Variants in SOX8 observed in about 807,000 individuals in gnomAD.
SOX8 encodes SRY-box transcription factor 8.
A neutral mutation model predicts 22.9 loss-of-function variants in SOX8; 9 were observed. The ratio of observed to expected loss-of-function variants is 0.39; its 90% confidence interval spans 0.24 to 0.69. The LOEUF (loss-of-function observed/expected upper bound fraction) is 0.69. Ranked by LOEUF, SOX8 falls within the 30% of genes least tolerant of loss-of-function variation. The pLI, the probability that SOX8 is intolerant of heterozygous loss-of-function variation, is 0.43. For missense variants in SOX8, 734 were observed against 699.4 expected (o/e 1.05, Z -0.56); for synonymous variants, 416 against 330.6 (o/e 1.26, Z -2.80).
At position 984,936 on chromosome 16, in the gene SOX8, C is replaced by T. The variant is rs112373912; in HGVS notation, c.891C>T (p.Pro297=). ...QYLPLGGPAP[P]EPGQAYGGAY... is the part of the protein sequence containing the mutation. ...TGCCCCTGGGCGGCCCCGCCCCACC[C>T]GAGCCGGGCCAGGCCTATGGGGGCG... Residue 297 remains proline (P), a synonymous_variant, in exon 3 of 3, where the codon CCC becomes CCT. Coordinates refer to ENST00000293894, the MANE Select transcript of SOX8 (RefSeq NM_014587.5). 572 of 1,602,088 alleles carry T rather than the reference C, an allele frequency of 3.6e-4. No homozygotes were observed. Among genetic ancestry groups the T allele is most frequent in the Middle Eastern group, 1.2e-3 (7 of 6,012 alleles).
intron 2 of SOX8, 56 bp downstream of exon 2, chr16:984,016 G>C (rs2073432500): frequency 7.2e-7 from 1 of 1,395,966 alleles, no homozygotes; most frequent in Admixed American, 2.7e-5. Flanking sequence ...GCAGCTGTGG[G>C]GTTTCTGGCT....
chr16:985,204 C>G lies in SOX8; in HGVS notation c.1159C>G (p.Gln387Glu), dbSNP rs1227302999. 2.5e-6 allele frequency: 4 copies of G among 1,611,878 alleles called. No individual in the cohort carries two copies. The East Asian group carries it at 8.9e-5, about 36-fold the overall frequency. Residue 387 changes from glutamine to glutamate, a missense_variant, in exon 3 of 3, where the codon CAG becomes GAG. Physicochemically the swap from Gln to Glu is conservative, Grantham distance 29. Transcript: ENST00000293894. ...AGSQGDYGDL[Q>E]ASSYYGAYPG... is the part of the protein sequence containing the mutation. ...CTCACAGGGCGACTATGGCGACCTG[C>G]AGGCCTCCAGCTACTATGGTGCCTA...
intron 1 of SOX8, 72 bp downstream of exon 1, chr16:982,416 C>G (rs1182198813): frequency 7.9e-7 from 1 of 1,271,154 alleles, no homozygotes; most frequent in African/African-American, 1.6e-5. Context: ...GAGCGGGGGC[C>G]TGGAGGGCGC....
At position 983,993 on chromosome 16, in the gene SOX8, C is replaced by T. The variant is rs201893674; in HGVS notation, c.655+33C>T. On this transcript the variant is annotated intron_variant, in intron 2 of 2. Transcript: ENST00000293894. ...CCAGGCCCCCCGCATATCTGAGGGT[C>T]CCTGTATGGGAGGCAGCTGTGGGGT... 323 of 1,456,776 alleles carry T rather than the reference C, an allele frequency of 2.2e-4. No individual in the cohort carries two copies. In the African/African-American group the frequency reaches 4.2e-3, roughly 19 times the overall value. 90.2% of individuals were successfully genotyped at this position (1,456,776 alleles called of 1,614,324 possible).
Position 985,690 on chromosome 16 carries a change from C to G in SOX8, c.*304C>G, listed in dbSNP as rs897075795. Reference sequence around the variant, plus strand: ...CGGCACCAGCACCTTCGCTTTGCATCTCGGTAGAGGAGAAACGGCAGCACA... The same window carrying G: ...CGGCACCAGCACCTTCGCTTTGCATGTCGGTAGAGGAGAAACGGCAGCACA... On this transcript the variant is annotated 3_prime_UTR_variant, in exon 3 of 3. Coordinates refer to ENST00000293894, the MANE Select transcript of SOX8 (RefSeq NM_014587.5). 40 of 376,870 alleles carry G rather than the reference C, an allele frequency of 1.1e-4. No homozygotes were observed. Among genetic ancestry groups the G allele is most frequent in the African/African-American group, 7.6e-4 (36 of 47,272 alleles). 23.3% of individuals were successfully genotyped at this position (376,870 alleles called of 1,614,324 possible).
chr16:983,730 T>G lies in SOX8; in HGVS notation c.425T>G (p.Leu142Trp). 3 of 1,611,852 alleles carry G rather than the reference T, an allele frequency of 1.9e-6. No individual in the cohort carries two copies. Among genetic ancestry groups the G allele is most frequent in the Non-Finnish European group, 2.5e-6 (3 of 1,179,352 alleles). The change falls in exon 2 of 3, where the codon TTG (leucine) becomes TGG (tryptophan). Residue 142 changes from leucine to tryptophan, a missense_variant and splice_region_variant. This residue lies in a region of SOX8 where 588 missense variants were observed against 568.2 expected (regional missense o/e 1.03). Transcript: ENST00000293894. ...CCTGCCTCTGCCCTGTGCTGCAGCT[T>G]GCTGAGCGAGAGCGAGAAGCGGCCC... ...LSKTLGKLWRLLSESEKRPFV... is the reference protein window; with the variant it reads ...LSKTLGKLWRWLSESEKRPFV...
intron 1 of SOX8, chr16:983,490 G>A: frequency 2.4e-6 from 1 of 414,286 alleles, no homozygotes; most frequent in Non-Finnish European, 4.3e-6. Flanking sequence ...GGAGGCGTGG[G>A]GCTTGTTCTT....
At position 982,264 on chromosome 16, in the gene SOX8, G is replaced by A. The variant is rs769303806; in HGVS notation, c.342G>A (p.Gln114=). The change falls in exon 1 of 3, where the codon CAG becomes CAA. Residue 114 remains glutamine (Q), a synonymous_variant. Transcript: ENST00000293894. ...TGAACGCATTCATGGTGTGGGCGCA[G>A]GCGGCGCGCCGCAAGCTGGCCGACC... ...RPMNAFMVWA[Q]AARRKLADQY... 2.0e-6 allele frequency: 3 copies of A among 1,529,138 alleles called. No homozygotes were observed. In the South Asian group the frequency reaches 3.7e-5, roughly 19 times the overall value. The allele number at this position is 1,529,138 out of a possible 1,614,324, so 94.7% of individuals were successfully genotyped here. A position where few individuals can be genotyped will look rare whatever the true frequency, so the allele number is the denominator to read the frequency against.
chr16:982,130 G>C lies in SOX8; in HGVS notation c.208G>C (p.Asp70His). 1 of 1,425,188 alleles carries C rather than the reference G, an allele frequency of 7.0e-7. No individual in the cohort carries two copies. Among genetic ancestry groups the C allele is most frequent in the Non-Finnish European group, 9.2e-7 (1 of 1,090,302 alleles). The allele number at this position is 1,425,188 out of a possible 1,614,324, so 88.3% of individuals were successfully genotyped here. The stretch of plus-strand genomic sequence containing the variant: ...CGAGCGCTTCCCGGCCTGCATCCGC[G>C]ACGCCGTGTCGCAGGTGCTCAAGGG... ...ADERFPACIR[D>H]AVSQVLKGYD... Residue 70 changes from aspartate to histidine, a missense_variant, in exon 1 of 3, where the codon GAC (aspartate) becomes CAC (histidine). Coordinates refer to ENST00000293894, the MANE Select transcript of SOX8 (RefSeq NM_014587.5).
At position 984,696 on chromosome 16, in the gene SOX8, C is replaced by T; in HGVS notation, c.656-5C>T. 1.3e-6 allele frequency: 2 copies of T among 1,512,806 alleles called. No homozygotes were observed. The highest frequency in any genetic ancestry group is 1.8e-6 in the Non-Finnish European group (2 of 1,134,028). The allele number at this position is 1,512,806 out of a possible 1,614,324, so 93.7% of individuals were successfully genotyped here. ...CATCCCTGAAGCCTGCTCTCCTGTC[C>T]CCAGGGCAGACCCACGGGCCGCCCA... On this transcript the variant is annotated splice_region_variant and splice_polypyrimidine_tract_variant and intron_variant, in intron 2 of 2. Coordinates refer to ENST00000293894, the MANE Select transcript of SOX8 (RefSeq NM_014587.5).
Position 982,129 on chromosome 16 carries a change from C to T in SOX8, c.207C>T (p.Arg69=), listed in dbSNP as rs1389963359. The change falls in exon 1 of 3, where the codon CGC becomes CGT. Residue 69 remains arginine, a synonymous_variant. Coordinates refer to ENST00000293894, the MANE Select transcript of SOX8 (RefSeq NM_014587.5). ...ACGAGCGCTTCCCGGCCTGCATCCG[C>T]GACGCCGTGTCGCAGGTGCTCAAGG... ...AADERFPACI[R]DAVSQVLKGY... The T allele has an allele frequency of 9.8e-6, 14 of 1,424,958 alleles. No individual in the cohort carries two copies. Among genetic ancestry groups the T allele is most frequent in the Non-Finnish European group, 1.0e-5 (11 of 1,090,270 alleles). The allele number at this position is 1,424,958 out of a possible 1,614,324, so 88.3% of individuals were successfully genotyped here.
intron 2 of SOX8, 88 bp from the exon 3 acceptor site, chr16:984,613 G>A (rs980753866): frequency 2.1e-4 from 163 of 777,992 alleles, no homozygotes; most frequent in Non-Finnish European, 2.0e-4. Context: ...GGCAGTTAGC[G>A]CGGGCGTCCC....
intron 1 of SOX8, 69 bp from the exon 2 acceptor site, chr16:983,659 T>A (rs1017737407): frequency 1.7e-5 from 24 of 1,441,122 alleles, no homozygotes; most frequent in Non-Finnish European, 2.2e-5. Context: ...CGGTTCCCCC[T>A]GTGGTGTGTG....
At position 983,592 on chromosome 16, in the gene SOX8, G is replaced by C. The variant is rs942213041; in HGVS notation, c.423-136G>C. 2.4e-5 allele frequency: 17 copies of C among 715,292 alleles called. No homozygotes were observed. The Admixed American group carries it at 4.7e-4, about 20-fold the overall frequency. 44.3% of individuals were successfully genotyped at this position (715,292 alleles called of 1,614,324 possible). ...CTGCCTGGTGCCACGGGAGGCTCCG[G>C]AGCGCACGGCAGGCGGGTTTCCCTG... is the stretch of plus-strand genomic sequence containing the variant. On this transcript the variant is annotated intron_variant, in intron 1 of 2. Coordinates refer to ENST00000293894, the MANE Select transcript of SOX8 (RefSeq NM_014587.5).
chr16:982,049 G>C lies in SOX8; in HGVS notation c.127G>C (p.Gly43Arg), dbSNP rs760448716. The C allele has an allele frequency of 2.3e-6, 3 of 1,304,266 alleles. No individual in the cohort carries two copies. The highest frequency in any genetic ancestry group is 4.1e-5 in the Admixed American group (1 of 24,356). The allele number at this position is 1,304,266 out of a possible 1,614,324, so 80.8% of individuals were successfully genotyped here. ...PPSPAGSEGL[G>R]RAGVAVGGAR... ...GTCTCCCGCCGGCTCCGAGGGCCTG[G>C]GCCGCGCGGGGGTCGCGGTGGGGGG... is the stretch of plus-strand genomic sequence containing the variant. The change falls in exon 1 of 3, where the codon GGC (glycine) becomes CGC (arginine). Residue 43 changes from glycine to arginine, a missense_variant. Gly to Arg is a moderately radical substitution (Grantham distance 125). Transcript: ENST00000293894.
rs530923010 is a variant in SOX8 at position 983,400 on chromosome 16, G to A, written c.423-328G>A. The stretch of plus-strand genomic sequence containing the variant: ...GTCCACCGCCGGCTGGGTCCTGCCC[G>A]CCTCCCCCGCCTCCCTTAGAAAGCC... On this transcript the variant is annotated intron_variant, in intron 1 of 2. Transcript: ENST00000293894. The A allele has an allele frequency of 7.1e-4, 149 of 210,342 alleles. 1 individual carries two copies. The highest frequency in any genetic ancestry group is 3.3e-3 in the African/African-American group (146 of 43,674). The allele number at this position is 210,342 out of a possible 1,614,324, so 13.0% of individuals were successfully genotyped here.
rs772347412 is a variant in SOX8, at chr16:985,033, G to A, written c.988G>A (p.Glu330Lys). Residue 330 changes from glutamate (E) to lysine (K), a missense_variant, in exon 3 of 3, where the codon GAG becomes AAG. This residue lies in a region of SOX8 where 588 missense variants were observed against 568.2 expected (regional missense o/e 1.03). Transcript: ENST00000293894. ...CCCGTCGGCCTCCGCGTCGCCCACCGAGACGGGTCCCCCACGGCCGCACAT... is the reference window on the plus strand; with the variant it reads ...CCCGTCGGCCTCCGCGTCGCCCACCAAGACGGGTCCCCCACGGCCGCACAT... ...SAPSASASPTETGPPRPHIKT... is the reference protein window; with the variant it reads ...SAPSASASPTKTGPPRPHIKT... 37 of 1,574,904 alleles carry A rather than the reference G, an allele frequency of 2.3e-5. No homozygotes were observed. Among genetic ancestry groups the A allele is most frequent in the Admixed American group, 1.8e-4 (10 of 56,412 alleles).
Position 985,846 on chromosome 16 carries a change from T to C in SOX8, c.*460T>C, listed in dbSNP as rs888096339. ...CAACGGCTGCACGGGCTGTCCGGGATCCGGGGTGTCTGTCCGCAGACTGGG... is the reference window on the plus strand; with the variant it reads ...CAACGGCTGCACGGGCTGTCCGGGACCCGGGGTGTCTGTCCGCAGACTGGG... On this transcript the variant is annotated 3_prime_UTR_variant, in exon 3 of 3. Coordinates refer to ENST00000293894, the MANE Select transcript of SOX8 (RefSeq NM_014587.5). 2 of 162,124 alleles carry C rather than the reference T, an allele frequency of 1.2e-5. No homozygotes were observed. Among genetic ancestry groups the C allele is most frequent in the African/African-American group, 4.8e-5 (2 of 41,812 alleles). 10.0% of individuals were successfully genotyped at this position (162,124 alleles called of 1,614,324 possible). A position where few individuals can be genotyped will look rare whatever the true frequency, so the allele number is the denominator to read the frequency against.
rs1361690201 is a variant in SOX8 at position 982,114 on chromosome 16, C to T, written c.192C>T (p.Phe64=). The change falls in exon 1 of 3, where the codon TTC becomes TTT. Residue 64 remains phenylalanine (F), a synonymous_variant. Transcript: ENST00000293894. ...GDPAEAADER[F]PACIRDAVSQ... The stretch of plus-strand genomic sequence containing the variant: ...CGGCGGAGGCGGCGGACGAGCGCTT[C>T]CCGGCCTGCATCCGCGACGCCGTGT... 5.7e-6 allele frequency: 8 copies of T among 1,406,634 alleles called. No homozygotes were observed. The East Asian group carries it at 1.2e-4, about 21-fold the overall frequency. The allele number at this position is 1,406,634 out of a possible 1,614,324, so 87.1% of individuals were successfully genotyped here. A position where few individuals can be genotyped will look rare whatever the true frequency, so the allele number is the denominator to read the frequency against.
Sources: gnomAD v4.1 joint callset for allele counts on GRCh38, gnomAD v4.1.1 for gene constraint, gnomAD v4.1.1 regional missense constraint, MANE v1.5 for transcripts, NCBI Gene and HGNC (gene_info 2026-07-23, HGNC 2026-07-21) for gene names.